The following CTNNA2 variants were observed in gnomAD, a reference collection of about 807,000 sequenced individuals.
The protein encoded by CTNNA2 is catenin alpha 2.
In CTNNA2, 42 loss-of-function variants were observed where a neutral mutation model predicts 101.0. That is an observed-to-expected ratio of 0.42 (90% CI 0.32 to 0.54). The LOEUF (loss-of-function observed/expected upper bound fraction) is 0.54. Among genes scored for constraint, CTNNA2 ranks in the 20% least tolerant of loss-of-function variants. CTNNA2 has a pLI of 0.14. For synonymous variants in CTNNA2, 450 were observed against 456.4 expected, an observed-to-expected ratio of 0.99 and a Z score of 0.18; for missense variants, 871 against 1,223.1, an observed-to-expected ratio of 0.71 and a Z score of 4.29.
intron 3 of CTNNA2, among the ~76,000 whole-genome samples, chr2:79,326,909 T>C (rs1055047759): frequency 4.6e-5 from 7 of 152,128 alleles, no homozygotes; most frequent in Non-Finnish European, 8.8e-5. Context: ...AACCACATAG[T>C]GGGGAGGCTG....
intron 7 of CTNNA2, among the ~76,000 whole-genome samples, chr2:80,138,381 G>C (rs986969846): frequency 4.6e-5 from 7 of 152,114 alleles, no homozygotes; most frequent in Admixed American, 2.0e-4. Context: ...CTATGCCTTG[G>C]TTTCTCCATC....
chr2:80,216,838 CA>C (rs1333632520), intron 7 of CTNNA2, among the ~76,000 whole-genome samples: 4 of 119,560 alleles, frequency 3.3e-5, no homozygotes, highest in African/African-American at 1.4e-4. Context: ...AAGCTATTTC[CA>C]TTTTTTTTTT....
At chr2:80,178,291 A>T (rs1705528576) in intron 7 of CTNNA2, among the ~76,000 whole-genome samples, 1 of 152,228 alleles carries the variant, frequency 6.6e-6, no homozygotes, top group Non-Finnish European at 1.5e-5. Flanking sequence ...GATGGGTCAG[A>T]AAGCACTTGG....
intron 11 of CTNNA2, among the ~76,000 whole-genome samples, chr2:80,550,873 A>G (rs1303338479): frequency 6.6e-6 from 1 of 152,180 alleles, no homozygotes; most frequent in Non-Finnish European, 1.5e-5. Context: ...TCTCCGGTGA[A>G]TCAATCATGG....
chr2:80,258,284 AT>A (rs1460796162), intron 7 of CTNNA2, among the ~76,000 whole-genome samples: 1 of 152,130 alleles, frequency 6.6e-6, no homozygotes, highest in East Asian at 1.9e-4. Flanking sequence ...AAATCTTCCA[AT>A]CTTAAGAATC....
intron 1 of CTNNA2, among the ~76,000 whole-genome samples, chr2:79,559,721 G>C (rs1674657617): frequency 6.6e-6 from 1 of 151,788 alleles, no homozygotes; most frequent in South Asian, 2.1e-4. Flanking sequence ...ATCTAGCAGA[G>C]AATTCTACAG....
At chr2:80,358,599 C>T (rs148301569) in intron 7 of CTNNA2, among the ~76,000 whole-genome samples, 285 of 152,132 alleles carry the variant, frequency 1.9e-3, no homozygotes, top group African/African-American at 6.6e-3. Flanking sequence ...GTTATCTACC[C>T]GCCTGAGCTT....
rs113695073 is a variant in CTNNA2 at position 79,678,074 on chromosome 2, A to G, written c.102+26416A>G. On this transcript the variant is annotated intron_variant, in intron 2 of 18. Transcript: ENST00000402739. ...TGGTGGTGATTCTTTAAGGTCTGGAAAGGACACTGTCTACAGAAAGCAAAT... is the reference window on the plus strand; with the variant it reads ...TGGTGGTGATTCTTTAAGGTCTGGAGAGGACACTGTCTACAGAAAGCAAAT... Among the ~76,000 whole-genome samples the G allele has an allele frequency of 1.1e-4, 16 of 152,304 alleles. 1 individual carries two copies. The highest frequency in any genetic ancestry group is 3.8e-4 in the African/African-American group (16 of 41,570).
chr2:80,633,108 G>T (rs1352855276), intron 18 of CTNNA2, among the ~76,000 whole-genome samples: 1 of 151,962 alleles, frequency 6.6e-6, no homozygotes, highest in East Asian at 1.9e-4. Context: ...TGTTTCAGAT[G>T]GTATAGATGA....
intron 7 of CTNNA2, among the ~76,000 whole-genome samples, chr2:80,113,898 AATATTTCATTATTTATACAG>A (rs1309198306): frequency 6.6e-6 from 1 of 152,234 alleles, no homozygotes; most frequent in Non-Finnish European, 1.5e-5. Context: ...AAAGCTAAAG[AATATTTCATTATTTATACAG>A]GCAATTCCTT....
At chr2:79,757,801 T>G (rs559699971) in intron 3 of CTNNA2, among the ~76,000 whole-genome samples, 1 of 152,238 alleles carries the variant, frequency 6.6e-6, no homozygotes, top group Non-Finnish European at 1.5e-5. Context: ...TTACTCACTC[T>G]GTGCCAGTGT....
chr2:80,328,128 C>G (rs1404529271), intron 7 of CTNNA2: 1 of 377,002 alleles, frequency 2.7e-6, no homozygotes, highest in Non-Finnish European at 5.4e-6. Flanking sequence ...CTGTTCTTTA[C>G]AGCAACAAAC....
intron 4 of CTNNA2, among the ~76,000 whole-genome samples, chr2:79,465,929 A>G (rs1282947848): frequency 6.6e-6 from 1 of 152,180 alleles, no homozygotes; most frequent in African/African-American, 2.4e-5. Flanking sequence ...CCAAATAGGA[A>G]CAGCTCCAGT....
intron 9 of CTNNA2, among the ~76,000 whole-genome samples, chr2:80,510,619 A>G (rs1688631504): frequency 6.6e-6 from 1 of 152,194 alleles, no homozygotes; most frequent in East Asian, 1.9e-4. Context: ...ATATATGCTG[A>G]AAAAATTGGT....
chr2:80,111,549 T>C (rs962434930), intron 7 of CTNNA2, among the ~76,000 whole-genome samples: 1 of 152,190 alleles, frequency 6.6e-6, no homozygotes, highest in Admixed American at 6.5e-5. Context: ...ATATTTCTTT[T>C]CTTTTTTGAG....
chr2:79,358,278 C>G (rs1490597179), intron 3 of CTNNA2, among the ~76,000 whole-genome samples: 1 of 151,886 alleles, frequency 6.6e-6, no homozygotes, highest in East Asian at 1.9e-4. Context: ...CAGCTCACTG[C>G]CACCTCTTTC....
At chr2:80,575,530 TAGTC>T (rs1219046903) in intron 13 of CTNNA2, among the ~76,000 whole-genome samples, 2 of 151,990 alleles carry the variant, frequency 1.3e-5, no homozygotes, top group African/African-American at 4.8e-5. Context: ...CAAGGAAAGA[TAGTC>T]AGCCTTTTAG....
chr2:79,709,611 A>T (rs1685615953), intron 2 of CTNNA2, among the ~76,000 whole-genome samples: 1 of 152,154 alleles, frequency 6.6e-6, no homozygotes, highest in Admixed American at 6.5e-5. Context: ...TCTTGTCAGC[A>T]GTGGGGGTCT....
At chr2:79,519,020 G>C (rs1437415296) in intron 1 of CTNNA2, among the ~76,000 whole-genome samples, 4 of 152,032 alleles carry the variant, frequency 2.6e-5, no homozygotes, top group African/African-American at 4.8e-5. Flanking sequence ...CCTGAGGCCA[G>C]GAGTTTGAGA....
Sources: gnomAD v4.1 joint callset for allele counts (sites outside exome capture counted in the v4.1 genomes callset) on GRCh38, gnomAD v4.1.1 for gene constraint, MANE v1.5 for transcripts, NCBI Gene and HGNC (gene_info 2026-07-23, HGNC 2026-07-21) for gene names.